Variants in TMC5 observed in about 807,000 individuals in gnomAD.
The protein encoded by TMC5 is transmembrane channel like 5, also known as transmembrane channel-like protein 5.
In TMC5, 86 loss-of-function variants were observed where a neutral mutation model predicts 110.5. The observed-to-expected ratio is 0.78, with a 90% CI of 0.65 to 0.93. TMC5 has a LOEUF of 0.93. Ranked by LOEUF, TMC5 falls within the 40% of genes least tolerant of loss-of-function variation. TMC5 has a pLI of 0.00. For missense variants in TMC5, 1,144 were observed against 1,222.8 expected, an observed-to-expected ratio of 0.94 and a Z score of 0.96; for synonymous variants, 455 against 439.5, an observed-to-expected ratio of 1.04 and a Z score of -0.44.
intron 5 of TMC5, among the ~76,000 whole-genome samples, chr16:19,450,358 G>A (rs1967720943): frequency 6.6e-6 from 1 of 152,156 alleles, no homozygotes; most frequent in African/African-American, 2.4e-5. Context: ...CACGTAGTAG[G>A]TATTTTAGGG....
chr16:19,458,100 A>C (rs925235520), intron 5 of TMC5, among the ~76,000 whole-genome samples: 46 of 151,984 alleles, frequency 3.0e-4, no homozygotes, highest in Admixed American at 3.3e-4. Context: ...CAGGCAACAG[A>C]TAGGATGTCT....
chr16:19,451,931 T>G (rs1311481475), intron 5 of TMC5, among the ~76,000 whole-genome samples: 1 of 152,244 alleles, frequency 6.6e-6, no homozygotes, highest in Admixed American at 6.5e-5. Context: ...CCTGAGTAGC[T>G]GGCATTACAG....
intron 9 of TMC5, 141 bp downstream of exon 9, chr16:19,466,374 T>C: frequency 3.2e-6 from 3 of 942,716 alleles, no homozygotes; most frequent in Non-Finnish European, 4.7e-6. Context: ...CTTTCTTAGA[T>C]AGAGTCTCGC....
intron 21 of TMC5, among the ~76,000 whole-genome samples, chr16:19,497,588 CAT>C (rs1332210759): frequency 1.3e-5 from 2 of 152,198 alleles, no homozygotes; most frequent in African/African-American, 4.8e-5. Flanking sequence ...CCCTTGATCA[CAT>C]GATTTCATCT....
At chr16:19,419,285 C>T (rs997544870) in intron 1 of TMC5, among the ~76,000 whole-genome samples, 1 of 149,280 alleles carries the variant, frequency 6.7e-6, no homozygotes, top group Non-Finnish European at 1.5e-5. Context: ...ATAGTGCTGT[C>T]TTCATGCTTA....
chr16:19,467,869 G>T (rs1217295410), intron 9 of TMC5, among the ~76,000 whole-genome samples: 1 of 152,118 alleles, frequency 6.6e-6, no homozygotes, highest in Non-Finnish European at 1.5e-5. Flanking sequence ...CGAATTTTGG[G>T]AAGTACACAG....
chr16:19,479,350 G>T, intron 13 of TMC5, 81 bp from the exon 14 acceptor site: 1 of 1,020,550 alleles, frequency 9.8e-7, no homozygotes, highest in South Asian at 1.3e-5. Context: ...TGTCCTGATG[G>T]GTACATAGAG....
At chr16:19,414,771 C>T (rs1024604550), upstream of TMC5, among the ~76,000 whole-genome samples, 25 of 150,960 alleles carry the variant, frequency 1.7e-4, no homozygotes, top group African/African-American at 5.6e-4. Context: ...ATTAGGTGGG[C>T]ATAGTGGTGA....
At chr16:19,462,469 G>A (rs1199395657) in intron 6 of TMC5, 1 of 699,106 alleles carries the variant, frequency 1.4e-6, no homozygotes, top group Non-Finnish European at 2.6e-6. Context: ...ATTTATAAAG[G>A]AAAGAGGTTT....
intron 5 of TMC5, among the ~76,000 whole-genome samples, chr16:19,459,084 A>G (rs1271969693): frequency 2.6e-5 from 4 of 151,604 alleles, no homozygotes; most frequent in Admixed American, 2.0e-4. Flanking sequence ...TTTTCCGAGA[A>G]ATTTCTCAGC....
chr16:19,493,464 TC>T (rs1295370195), intron 19 of TMC5, among the ~76,000 whole-genome samples: 7 of 33,996 alleles, frequency 2.1e-4, no homozygotes, highest in Non-Finnish European at 3.3e-4. Context: ...TCTCTCTCTC[TC>T]TTTTTTTTTT....
intron 3 of TMC5, 98 bp downstream of exon 3, chr16:19,440,924 A>G: frequency 1.6e-6 from 2 of 1,249,388 alleles, no homozygotes; most frequent in Non-Finnish European, 2.2e-6. Flanking sequence ...TTAGGGATAT[A>G]TATGACGGTT....
chr16:19,460,979 G>A (rs1216909018), intron 6 of TMC5, among the ~76,000 whole-genome samples: 2 of 152,014 alleles, frequency 1.3e-5, no homozygotes, highest in Admixed American at 6.6e-5. Context: ...ATCATAGTGA[G>A]ACTCCATCTT....
chr16:19,422,671 T>A (rs1208513633), intron 1 of TMC5, among the ~76,000 whole-genome samples: 1 of 152,054 alleles, frequency 6.6e-6, no homozygotes, highest in African/African-American at 2.4e-5. Context: ...AAAAAAAATT[T>A]AAAAATAGGC....
At chr16:19,450,238 C>T (rs1226072916) in intron 5 of TMC5, among the ~76,000 whole-genome samples, 1 of 152,174 alleles carries the variant, frequency 6.6e-6, no homozygotes, top group Non-Finnish European at 1.5e-5. Context: ...CTCAAACAGG[C>T]ATTAGCCCAG....
Position 19,444,113 on chromosome 16 carries a change from C to T in TMC5, c.821C>T (p.Ser274Leu). Residue 274 changes from serine (S) to leucine (L), a missense_variant, in exon 4 of 22, where the codon TCA becomes TTA. By Grantham distance (145) the Ser-to-Leu change is moderately radical. Transcript: ENST00000542583. ...VLSRTSSIQP[S>L]FRHRSDDPVG... is the part of the protein sequence containing the mutation. ...AGCAGAACATCTTCAATCCAGCCCT[C>T]ATTTCGTCACAGGAGTGATGACCCC... 6.2e-7 allele frequency: 1 copy of T among 1,614,132 alleles called. No homozygotes were observed. The highest frequency in any genetic ancestry group is 8.5e-7 in the Non-Finnish European group (1 of 1,180,010).
chr16:19,487,519 T>C (rs912896482), intron 17 of TMC5, among the ~76,000 whole-genome samples, 193 bp downstream of exon 17: 6 of 152,058 alleles, frequency 3.9e-5, no homozygotes, highest in African/African-American at 1.4e-4. Context: ...CTGGCCAACA[T>C]GGTGAAACCC....
In TMC5 at chr16:19,474,088, C is replaced by T. The variant is rs771694672; in HGVS notation, c.1939-37C>T. ...GTGAAGCAGAAAGGGGTACAGTGTA[C>T]AAGTCAGCCCTCCGTTCTCTCCCCC... is the stretch of plus-strand genomic sequence containing the variant. On this transcript the variant is annotated intron_variant, in intron 11 of 21. Coordinates refer to ENST00000542583, the MANE Select transcript of TMC5 (RefSeq NM_001261841.2). 3 of 1,604,358 alleles carry T rather than the reference C, an allele frequency of 1.9e-6. No homozygotes were observed. In the African/African-American group the frequency reaches 4.0e-5, roughly 21 times the overall value.
chr16:19,494,078 A>C (rs1197915229), intron 19 of TMC5, among the ~76,000 whole-genome samples, 184 bp from the exon 20 acceptor site: 1 of 152,042 alleles, frequency 6.6e-6, no homozygotes, highest in East Asian at 1.9e-4. Flanking sequence ...GCTCTGGGGG[A>C]TAATTTGGTT....
Sources: allele counts gnomAD v4.1 joint callset (sites outside exome capture counted in the v4.1 genomes callset), GRCh38; gene constraint gnomAD v4.1.1; transcripts MANE v1.5; gene names NCBI Gene and HGNC (gene_info 2026-07-23, HGNC 2026-07-21).